Variants in RTN1 observed in about 807,000 individuals in gnomAD.
RTN1 encodes the protein reticulon 1.
In RTN1, 25 loss-of-function variants were observed where a neutral mutation model predicts 65.5. That is an observed-to-expected ratio of 0.38 (90% CI 0.28 to 0.53). The LOEUF is 0.53. Among genes scored for constraint, RTN1 ranks in the 20% least tolerant of loss-of-function variants. The pLI is 0.79. For synonymous variants in RTN1, 471 were observed against 447.6 expected (o/e 1.05, Z -0.66); for missense variants, 983 against 1,025.4 (o/e 0.96, Z 0.57).
chr14:59,868,955 A>G lies in RTN1; in HGVS notation c.241+1435T>C, dbSNP rs2139683414. On this transcript the variant is annotated intron_variant, in intron 1 of 8. Transcript: ENST00000267484. The surrounding 1 kb of genome is among the most constrained non-coding windows in gnomAD (Gnocchi z 4.0). ...GATGCAGAAGTTGAAAGAGAGACTG[A>G]GCAGCCATTCTTAGATTTAAATCCT... 6.6e-6 allele frequency among the ~76,000 whole-genome samples: 1 copy of G among 152,288 alleles called. No homozygotes were observed. The highest frequency in any genetic ancestry group is 2.1e-4 in the South Asian group (1 of 4,826).
chr14:59,718,363 C>T (rs554997194), intron 3 of RTN1, among the ~76,000 whole-genome samples: 5 of 152,328 alleles, frequency 3.3e-5, no homozygotes, highest in African/African-American at 7.2e-5. Context: ...AAGCTGCCTT[C>T]GCTCTAACTT....
chr14:59,790,760 C>T lies in RTN1; in HGVS notation c.242-44279G>A, dbSNP rs1279671729. On this transcript the variant is annotated intron_variant, in intron 1 of 8. Transcript: ENST00000267484. This position sits in a 1 kb window ranked among gnomAD's most constrained non-coding sequence, Gnocchi z 4.1. ...TGTTCTATTTCCTACCCCAGATATACTGATTTTTCTTTGGCTGTATCATCT... is the reference window on the plus strand; with the variant it reads ...TGTTCTATTTCCTACCCCAGATATATTGATTTTTCTTTGGCTGTATCATCT... 5.9e-5 allele frequency among the ~76,000 whole-genome samples: 9 copies of T among 152,042 alleles called. No homozygotes were observed. The highest frequency in any genetic ancestry group is 2.2e-4 in the African/African-American group (9 of 41,414).
chr14:59,630,834 C>T (rs192436695), intron 3 of RTN1: 4 of 1,007,296 alleles, frequency 4.0e-6, no homozygotes, highest in East Asian at 9.9e-5. Context: ...GGCGCTGACG[C>T]GGACAGTGGG....
chr14:59,762,168 A>G (rs1885761904), intron 1 of RTN1, among the ~76,000 whole-genome samples: 1 of 152,122 alleles, frequency 6.6e-6, no homozygotes. Flanking sequence ...ACAGCATTCC[A>G]TCGTAGAAAA....
intron 3 of RTN1, among the ~76,000 whole-genome samples, chr14:59,667,907 G>A (rs1883414919): frequency 1.3e-5 from 2 of 152,104 alleles, no homozygotes; most frequent in South Asian, 2.1e-4. Flanking sequence ...GGATGTGAAG[G>A]ACCTCTTCAA....
intron 1 of RTN1, among the ~76,000 whole-genome samples, chr14:59,820,715 G>A (rs1886928681): frequency 6.6e-6 from 1 of 152,262 alleles, no homozygotes; most frequent in Middle Eastern, 3.4e-3. Flanking sequence ...TCCCTCACAT[G>A]ACATATGAGG....
chr14:59,826,826 C>G (rs1189913611), intron 1 of RTN1, among the ~76,000 whole-genome samples: 2 of 151,994 alleles, frequency 1.3e-5, no homozygotes, highest in African/African-American at 2.4e-5. Context: ...TTATTACATT[C>G]TAGTGTAGGG....
Position 59,766,665 on chromosome 14 carries a change from T to C in RTN1, c.242-20184A>G. The stretch of plus-strand genomic sequence containing the variant: ...AGTTTCAATATTATTTCTTAGCATA[T>C]TTTTATATGCTGTATATGGATCTTT... On this transcript the variant is annotated intron_variant, in intron 1 of 8. Transcript: ENST00000267484. This position sits in a 1 kb window ranked among gnomAD's most constrained non-coding sequence, Gnocchi z 4.4. 6.6e-6 allele frequency among the ~76,000 whole-genome samples: 1 copy of C among 152,182 alleles called. No individual in the cohort carries two copies. The highest frequency in any genetic ancestry group is 1.5e-5 in the Non-Finnish European group (1 of 68,034).
chr14:59,772,551 C>T (rs1401207233), intron 1 of RTN1, among the ~76,000 whole-genome samples: 2 of 150,310 alleles, frequency 1.3e-5, no homozygotes, highest in Non-Finnish European at 3.0e-5. Flanking sequence ...AAAAAAAAAA[C>T]AGTGGAAATA....
chr14:59,810,683 G>T (rs1418403277), intron 1 of RTN1, among the ~76,000 whole-genome samples: 1 of 152,174 alleles, frequency 6.6e-6, no homozygotes, highest in Non-Finnish European at 1.5e-5. Context: ...CATCGGTGGG[G>T]AGGAACACTC....
intron 3 of RTN1, among the ~76,000 whole-genome samples, chr14:59,648,165 CA>C (rs1882941722): frequency 6.6e-6 from 1 of 151,990 alleles, no homozygotes; most frequent in African/African-American, 2.4e-5. Flanking sequence ...CCTCTATGCA[CA>C]CATGCACACA....
At chr14:59,853,304 A>G (rs1408263539) in intron 1 of RTN1, among the ~76,000 whole-genome samples, 1 of 152,232 alleles carries the variant, frequency 6.6e-6, no homozygotes, top group Non-Finnish European at 1.5e-5. Context: ...ACTCACTACC[A>G]TATGAGGAAG....
At chr14:59,631,730 G>A (rs1325192140) in intron 3 of RTN1, among the ~76,000 whole-genome samples, 3 of 152,198 alleles carry the variant, frequency 2.0e-5, no homozygotes, top group Non-Finnish European at 4.4e-5. Context: ...GGCATTGTCT[G>A]GAAAAGAAGG....
rs1885306336 is a variant in RTN1 at position 59,749,173 on chromosome 14, T to C, written c.242-2692A>G. 5.4e-5 allele frequency among the ~76,000 whole-genome samples: 3 copies of C among 55,530 alleles called. 1 individual carries two copies. The highest frequency in any genetic ancestry group is 1.9e-4 in the African/African-American group (2 of 10,618). 36.4% of individuals were successfully genotyped at this position (55,530 alleles called of 152,430 possible). A position where few individuals can be genotyped will look rare whatever the true frequency, so the allele number is the denominator to read the frequency against. On this transcript the variant is annotated intron_variant, in intron 1 of 8. Coordinates refer to ENST00000267484, the MANE Select transcript of RTN1 (RefSeq NM_021136.3). ...ATCTATCTATATCTATCTATATATC[T>C]ATCTATATATCTATCTATATATATC... is the stretch of plus-strand genomic sequence containing the variant.
rs1368175913 is a variant in RTN1, at chr14:59,774,810, G to A, written c.242-28329C>T. On this transcript the variant is annotated intron_variant, in intron 1 of 8. Coordinates refer to ENST00000267484, the MANE Select transcript of RTN1 (RefSeq NM_021136.3). This position sits in a 1 kb window ranked among gnomAD's most constrained non-coding sequence, Gnocchi z 5.1. ...CAACATCTCCCCAAGGAGACCACAT[G>A]ATCAGAACTCACTCTTCTGAACAAT... Among the ~76,000 whole-genome samples the A allele has an allele frequency of 6.6e-6, 1 of 152,132 alleles. No individual in the cohort carries two copies. Among genetic ancestry groups the A allele is most frequent in the African/African-American group, 2.4e-5 (1 of 41,456 alleles).
chr14:59,691,505 C>A (rs1374469132), intron 3 of RTN1, among the ~76,000 whole-genome samples: 1 of 152,106 alleles, frequency 6.6e-6, no homozygotes, highest in Non-Finnish European at 1.5e-5. Context: ...ACCAGACATA[C>A]AAAGAACAGC....
chr14:59,710,128 A>G (rs1884386397), intron 3 of RTN1, among the ~76,000 whole-genome samples: 2 of 146,236 alleles, frequency 1.4e-5, no homozygotes, highest in South Asian at 4.3e-4. Flanking sequence ...CTGAAGCCTT[A>G]CCCTCCCAGG....
At chr14:59,641,495 G>A (rs1882779905) in intron 3 of RTN1, among the ~76,000 whole-genome samples, 1 of 151,972 alleles carries the variant, frequency 6.6e-6, no homozygotes, top group Non-Finnish European at 1.5e-5. Context: ...TCAGCCTCCT[G>A]AATAGCTGGG....
At chr14:59,747,767 G>C (rs543901369) in intron 1 of RTN1, among the ~76,000 whole-genome samples, 1 of 152,132 alleles carries the variant, frequency 6.6e-6, no homozygotes, top group African/African-American at 2.4e-5. Context: ...TTTTACAATT[G>C]TACAAATTAA....
Sources: allele counts gnomAD v4.1 joint callset (sites outside exome capture counted in the v4.1 genomes callset), GRCh38; gene constraint gnomAD v4.1.1; non-coding constraint Gnocchi (gnomAD v3.1); transcripts MANE v1.5; gene names NCBI Gene and HGNC (gene_info 2026-07-23, HGNC 2026-07-21).